Variants in DAB1 observed in about 807,000 individuals in gnomAD.
The protein encoded by DAB1 is DAB adaptor protein 1.
DAB1 carries 15 observed loss-of-function variants against 64.6 expected under a neutral mutation model. The observed-to-expected ratio is 0.23, with a 90% CI of 0.16 to 0.36. The LOEUF (loss-of-function observed/expected upper bound fraction) is 0.36. DAB1 is among the 10% of genes least tolerant of loss of function. The pLI is 1.00. For missense variants in DAB1, 596 were observed against 706.7 expected (o/e 0.84, Z 1.78); for synonymous variants, 235 against 251.9 (o/e 0.93, Z 0.64).
At chr1:58,316,040 A>AT (rs1662552401) in intron 4 of DAB1, among the ~76,000 whole-genome samples, 2 of 152,242 alleles carry the variant, frequency 1.3e-5, no homozygotes, top group South Asian at 4.1e-4. Flanking sequence ...GTACTACTGC[A>AT]TACTGCCCCT....
chr1:57,067,080 T>G (rs1650986616), intron 8 of DAB1, among the ~76,000 whole-genome samples: 1 of 152,078 alleles, frequency 6.6e-6, no homozygotes, highest in Non-Finnish European at 1.5e-5. Flanking sequence ...GCCCAAGAGC[T>G]TATCTCTTAT....
At chr1:57,256,363 A>T (rs567753048) in intron 2 of DAB1, among the ~76,000 whole-genome samples, 1 of 152,316 alleles carries the variant, frequency 6.6e-6, no homozygotes, top group South Asian at 2.1e-4. Flanking sequence ...TGAGGTTCAT[A>T]AAAAGGTCAT....
chr1:58,292,355 A>C (rs565647591), intron 4 of DAB1, among the ~76,000 whole-genome samples: 1 of 152,336 alleles, frequency 6.6e-6, no homozygotes, highest in African/African-American at 2.4e-5. Context: ...ACACCATATC[A>C]AGAAAAAAAG....
chr1:57,296,159 G>T (rs1673179083), intron 1 of DAB1, among the ~76,000 whole-genome samples: 2 of 152,058 alleles, frequency 1.3e-5, no homozygotes, highest in South Asian at 4.1e-4. Flanking sequence ...GATATTGTTG[G>T]GAGCCAAGCT....
At position 57,177,845 on chromosome 1, in the gene DAB1, A is replaced by C. The variant is rs1301250085; in HGVS notation, c.68-32416T>G. On this transcript the variant is annotated intron_variant, in intron 2 of 14. Transcript: ENST00000371236. ...AAGCTATATCAGATCTTTGGATGCC[A>C]CAGAGTCTATACTCTTCTAAAATCA... 5.3e-5 allele frequency among the ~76,000 whole-genome samples: 8 copies of C among 152,176 alleles called. No homozygotes were observed. In the East Asian group the frequency reaches 1.5e-3, roughly 29 times the overall value.
intron 3 of DAB1, among the ~76,000 whole-genome samples, chr1:58,487,662 T>G (rs547906097): frequency 6.6e-6 from 1 of 152,332 alleles, no homozygotes; most frequent in Non-Finnish European, 1.5e-5. Flanking sequence ...TAAATTTGAT[T>G]TATTTATACC....
intron 7 of DAB1, among the ~76,000 whole-genome samples, chr1:57,562,647 T>C (rs778587947): frequency 6.6e-6 from 1 of 152,142 alleles, no homozygotes; most frequent in Non-Finnish European, 1.5e-5. Context: ...AATCAAAGGA[T>C]GGAAGTGGAA....
intron 4 of DAB1, among the ~76,000 whole-genome samples, chr1:58,229,862 T>C (rs753624780): frequency 5.1e-4 from 77 of 152,320 alleles, no homozygotes; most frequent in Admixed American, 1.0e-3. Flanking sequence ...CTATATTGCC[T>C]GAATACTAAA....
At chr1:57,608,145 A>G (rs924684328) in intron 7 of DAB1, among the ~76,000 whole-genome samples, 1 of 152,202 alleles carries the variant, frequency 6.6e-6, no homozygotes, top group Admixed American at 6.5e-5. Context: ...ACATATGTGT[A>G]TACACACACA....
intron 9 of DAB1, chr1:57,033,481 AATGAC>A: frequency 6.2e-7 from 1 of 1,612,812 alleles, no homozygotes; most frequent in Non-Finnish European, 8.5e-7. Flanking sequence ...ATGATGAGAA[AATGAC>A]ATGAAACAGT....
chr1:58,375,535 T>C (rs1055904933), intron 3 of DAB1, among the ~76,000 whole-genome samples: 17 of 147,968 alleles, frequency 1.1e-4, no homozygotes, highest in African/African-American at 4.0e-4. Flanking sequence ...TGAAGCCCAC[T>C]TGATCATGGT....
chr1:57,456,525 G>A (rs1429252633), intron 7 of DAB1, among the ~76,000 whole-genome samples: 3 of 152,022 alleles, frequency 2.0e-5, no homozygotes, highest in Non-Finnish European at 1.5e-5. Flanking sequence ...TTAAAACAAA[G>A]TTATTAGTAA....
intron 4 of DAB1, among the ~76,000 whole-genome samples, chr1:58,294,870 GTGT>G: frequency 9.3e-6 from 1 of 107,574 alleles, no homozygotes; most frequent in Non-Finnish European, 1.7e-5. Context: ...CAGAACGTGT[GTGT>G]GTGTGTGTGT....
chr1:58,165,395 C>T lies in DAB1; in HGVS notation n.310-14807G>A, dbSNP rs77824895. Among the ~76,000 whole-genome samples, 1,495 of 152,246 alleles carry T rather than the reference C, an allele frequency of 9.8e-3. 24 individuals carry two copies. The highest frequency in any genetic ancestry group is 0.035 in the African/African-American group (1,443 of 41,550). ...CCATCTGTTTGCCATATAATTCCTG[C>T]AAACCTCCCCGATTCTCTGTACATC... On this transcript the variant is annotated intron_variant and non_coding_transcript_variant, in intron 4 of 20. Coordinates refer to the DAB1 transcript ENST00000485760.
At position 57,611,042 on chromosome 1, in the gene DAB1, C is replaced by T. The variant is rs180837352; in HGVS notation, n.625+38550G>A. Among the ~76,000 whole-genome samples the T allele has an allele frequency of 5.9e-5, 9 of 152,000 alleles. No individual in the cohort carries two copies. In the East Asian group the frequency reaches 1.4e-3, roughly 23 times the overall value. ...TGCTTATCTAGCAACCCTCAAGTTT[C>T]ACTCATGCTTGCTTTTGCACTAGAA... On this transcript the variant is annotated intron_variant and non_coding_transcript_variant, in intron 7 of 20. Coordinates refer to the DAB1 transcript ENST00000485760.
intron 2 of DAB1, among the ~76,000 whole-genome samples, chr1:57,286,257 C>G (rs1570165191): frequency 6.6e-6 from 1 of 152,042 alleles, no homozygotes; most frequent in Admixed American, 6.6e-5. Context: ...TCTAAAGGGC[C>G]TTTATGCCAC....
intron 1 of DAB1, chr1:58,539,277 T>G (rs765623705): frequency 4.7e-6 from 4 of 843,892 alleles, no homozygotes; most frequent in Non-Finnish European, 8.1e-6. Context: ...CAGACTGCAA[T>G]CCACAGATGA....
At chr1:57,875,370 C>A (rs1644026779) in intron 1 of DAB1, among the ~76,000 whole-genome samples, 3 of 152,120 alleles carry the variant, frequency 2.0e-5, no homozygotes, top group Admixed American at 1.3e-4. Flanking sequence ...TCTTTTTCAG[C>A]TTAATCAATT....
chr1:57,003,935 T>C (rs1645966313), intron 14 of DAB1, among the ~76,000 whole-genome samples: 1 of 152,220 alleles, frequency 6.6e-6, no homozygotes, highest in Non-Finnish European at 1.5e-5. Flanking sequence ...GTGCCAGCTC[T>C]GATCTGCTTT....
Sources: gnomAD v4.1 joint callset for allele counts (sites outside exome capture counted in the v4.1 genomes callset) on GRCh38, gnomAD v4.1.1 for gene constraint, MANE v1.5 for transcripts, NCBI Gene and HGNC (gene_info 2026-07-23, HGNC 2026-07-21) for gene names.